The following RANBP17 variants were observed in gnomAD, a reference collection of about 807,000 sequenced individuals.
RANBP17 encodes ran-binding protein 17.
A neutral mutation model predicts 141.2 loss-of-function variants in RANBP17; 158 were observed. The ratio of observed to expected loss-of-function variants is 1.12; its 90% CI spans 0.98 to 1.28. The LOEUF (loss-of-function observed/expected upper bound fraction) is 1.28. Among genes scored for constraint, RANBP17 ranks in the 50% most tolerant of loss-of-function variants. The pLI is 0.00. For missense variants in RANBP17, 1,438 were observed against 1,290.7 expected, an observed-to-expected ratio of 1.11 and a Z score of -1.75; for synonymous variants, 430 against 450.0, an observed-to-expected ratio of 0.96 and a Z score of 0.56.
At position 170,894,486 on chromosome 5, in the gene RANBP17, T is replaced by TATATATATATATATATATATATATATATA. The variant is rs376342999; in HGVS notation, c.424-1564_424-1563insATATATATATATATATATATATATATATA. ...CCATAGAATAGTTAGTACGTGTTTT[T>TATATATATATATATATATATATATATATA]TATATATATATATATATATATGGCT... On this transcript the variant is annotated intron_variant, in intron 4 of 27. Transcript: ENST00000523189. 4.9e-4 allele frequency among the ~76,000 whole-genome samples: 65 copies of TATATATATATATATATATATATATATATA among 133,286 alleles called. 5 individuals carry two copies. Among genetic ancestry groups the TATATATATATATATATATATATATATATA allele is most frequent in the African/African-American group, 1.3e-3 (46 of 34,220 alleles). 87.4% of individuals were successfully genotyped at this position (133,286 alleles called of 152,430 possible). A position where few individuals can be genotyped will look rare whatever the true frequency, so the allele number is the denominator to read the frequency against.
intron 14 of RANBP17, among the ~76,000 whole-genome samples, chr5:171,127,702 AAAT>A (rs1756584216): frequency 6.6e-6 from 1 of 152,220 alleles, no homozygotes; most frequent in Non-Finnish European, 1.5e-5. Flanking sequence ...AAAAGACAAT[AAAT>A]AACAAATGCT....
At chr5:170,976,231 A>G (rs1463870623) in intron 14 of RANBP17, among the ~76,000 whole-genome samples, 2 of 152,196 alleles carry the variant, frequency 1.3e-5, no homozygotes, top group East Asian at 1.9e-4. Flanking sequence ...AAGGAACAAA[A>G]CATTCCATTA....
At chr5:170,970,307 A>T (rs1034437367) in intron 14 of RANBP17, among the ~76,000 whole-genome samples, 3 of 151,998 alleles carry the variant, frequency 2.0e-5, no homozygotes, top group African/African-American at 7.2e-5. Context: ...ATGTTTAACA[A>T]TTAATGCGTG....
intron 25 of RANBP17, among the ~76,000 whole-genome samples, chr5:171,278,373 G>T (rs543398957): frequency 1.6e-4 from 24 of 152,226 alleles, no homozygotes; most frequent in African/African-American, 5.5e-4. Context: ...TCAAAAATTA[G>T]CTGGGTGTGA....
At chr5:171,293,297 A>G (rs1236201847) in intron 25 of RANBP17, among the ~76,000 whole-genome samples, 2 of 152,212 alleles carry the variant, frequency 1.3e-5, no homozygotes, top group East Asian at 3.9e-4. Context: ...TGGATCTTAC[A>G]GGCTGAATTT....
At chr5:170,985,412 C>T (rs1361253728) in intron 14 of RANBP17, among the ~76,000 whole-genome samples, 3 of 152,276 alleles carry the variant, frequency 2.0e-5, no homozygotes, top group Non-Finnish European at 4.4e-5. Flanking sequence ...TAGAATTTGC[C>T]TGAATTCTGT....
intron 14 of RANBP17, among the ~76,000 whole-genome samples, chr5:171,077,659 T>G (rs1399642199): frequency 6.6e-6 from 1 of 152,214 alleles, no homozygotes; most frequent in Non-Finnish European, 1.5e-5. Flanking sequence ...GGTAATTGCT[T>G]TTTAATACAC....
chr5:170,955,293 A>G (rs1239115499), intron 13 of RANBP17, among the ~76,000 whole-genome samples: 2 of 151,614 alleles, frequency 1.3e-5, no homozygotes, highest in African/African-American at 4.8e-5. Context: ...CAAATGTATT[A>G]TTTCAATTGG....
At chr5:170,951,042 A>G (rs933926790) in intron 12 of RANBP17, among the ~76,000 whole-genome samples, 1 of 152,094 alleles carries the variant, frequency 6.6e-6, no homozygotes, top group African/African-American at 2.4e-5. Context: ...AAAGAACAGA[A>G]TGATAGGAGA....
At chr5:171,187,514 A>G (rs945122934) in intron 18 of RANBP17, among the ~76,000 whole-genome samples, 3 of 152,176 alleles carry the variant, frequency 2.0e-5, no homozygotes, top group South Asian at 2.1e-4. Flanking sequence ...ACTTCAAAAC[A>G]TGTTGTATAC....
At chr5:170,931,764 A>G (rs528507834) in intron 12 of RANBP17, among the ~76,000 whole-genome samples, 15 of 152,004 alleles carry the variant, frequency 9.9e-5, no homozygotes, top group Non-Finnish European at 1.8e-4. Context: ...CCATTGGTCT[A>G]TATCTCTGTT....
chr5:171,047,779 A>G lies in RANBP17; in HGVS notation c.1710+79402A>G, dbSNP rs79156418. ...AATACTTTATATATAGATTTTGACT[A>G]CAAGTTCTTTGTTGGATATGTGATT... On this transcript the variant is annotated intron_variant, in intron 14 of 27. Transcript: ENST00000523189. Among the ~76,000 whole-genome samples, 1,150 of 152,260 alleles carry G rather than the reference A, an allele frequency of 7.6e-3. 13 individuals are homozygous for G. The highest frequency in any genetic ancestry group is 0.026 in the African/African-American group (1,089 of 41,548).
chr5:171,059,310 GTC>G (rs1783640740), intron 14 of RANBP17, among the ~76,000 whole-genome samples: 1 of 152,140 alleles, frequency 6.6e-6, no homozygotes, highest in African/African-American at 2.4e-5. Flanking sequence ...TAACATTTAA[GTC>G]TTGAATCCAT....
At chr5:170,900,777 T>TAGTC (rs575819347) in intron 5 of RANBP17, among the ~76,000 whole-genome samples, 334 of 152,332 alleles carry the variant, frequency 2.2e-3, no homozygotes, top group Non-Finnish European at 3.7e-3. Context: ...ATTTACCCAG[T>TAGTC]AGTCATTCAG....
At chr5:171,136,643 G>A (rs896393541) in intron 14 of RANBP17, among the ~76,000 whole-genome samples, 1 of 152,108 alleles carries the variant, frequency 6.6e-6, no homozygotes, top group African/African-American at 2.4e-5. Flanking sequence ...TCTTAGGAGA[G>A]TCTCTTATTT....
At position 171,035,567 on chromosome 5, in the gene RANBP17, T is replaced by A. The variant is rs1781819977; in HGVS notation, c.1710+67190T>A. On this transcript the variant is annotated intron_variant, in intron 14 of 27. Coordinates refer to ENST00000523189, the MANE Select transcript of RANBP17 (RefSeq NM_022897.5). Reference sequence around the variant, plus strand: ...TTTGTTTTGTTTTTTAGGGTTTTTTTTTTTAATGATACAGGCTTTATTATC... The same window carrying A: ...TTTGTTTTGTTTTTTAGGGTTTTTTATTTTAATGATACAGGCTTTATTATC... Among the ~76,000 whole-genome samples, 5 of 150,670 alleles carry A rather than the reference T, an allele frequency of 3.3e-5. No individual in the cohort carries two copies. The South Asian group carries it at 1.1e-3, about 32-fold the overall frequency.
chr5:171,022,750 C>T (rs368546288), intron 14 of RANBP17, among the ~76,000 whole-genome samples: 6 of 152,180 alleles, frequency 3.9e-5, no homozygotes, highest in Non-Finnish European at 5.9e-5. Context: ...TTGTTTCATA[C>T]GCCTCCCACA....
chr5:170,911,846 A>G (rs1044824075), intron 7 of RANBP17, among the ~76,000 whole-genome samples: 3 of 151,898 alleles, frequency 2.0e-5, no homozygotes, highest in Non-Finnish European at 4.4e-5. Context: ...ATGTTCCAGA[A>G]AAATGGTGGC....
intron 14 of RANBP17, among the ~76,000 whole-genome samples, chr5:171,099,816 G>A (rs888774038): frequency 1.3e-5 from 2 of 152,034 alleles, no homozygotes; most frequent in African/African-American, 2.4e-5. Flanking sequence ...GCATGAAGGG[G>A]TGTTGAATTT....
Sources: gnomAD v4.1 joint callset for allele counts (sites outside exome capture counted in the v4.1 genomes callset) on GRCh38, gnomAD v4.1.1 for gene constraint, MANE v1.5 for transcripts, NCBI Gene and HGNC (gene_info 2026-07-23, HGNC 2026-07-21) for gene names.